The following FHIT variants were observed in gnomAD, a reference collection of about 807,000 sequenced individuals.
The protein encoded by FHIT is fragile histidine triad diadenosine triphosphatase.
Under a neutral mutation model 17.9 loss-of-function variants are expected in FHIT, and 19 were observed. That is an observed-to-expected ratio of 1.06 (90% CI 0.74 to 1.56). The LOEUF is 1.56. Ranked by LOEUF, FHIT falls within the 40% of genes most tolerant of loss-of-function variation. The probability of loss-of-function intolerance (pLI) is 0.00; values close to 1 mark genes in which losing one functional copy is unlikely to be tolerated. For missense variants in FHIT, 248 were observed against 189.2 expected (o/e 1.31, Z -1.82); for synonymous variants, 81 against 69.7 (o/e 1.16, Z -0.81).
At chr3:60,147,386 TG>T (rs1700284905) in intron 5 of FHIT, among the ~76,000 whole-genome samples, 2 of 152,184 alleles carry the variant, frequency 1.3e-5, no homozygotes, top group African/African-American at 4.8e-5. Context: ...GCAGCAGCTC[TG>T]GGTTTCGAAG....
At chr3:60,734,018 AAAG>A (rs2042085217) in intron 4 of FHIT, among the ~76,000 whole-genome samples, 1 of 152,128 alleles carries the variant, frequency 6.6e-6, no homozygotes. Context: ...CTGAATAATG[AAAG>A]AAGAATCCGT....
At chr3:59,954,526 A>C (rs9862003) in intron 7 of FHIT, among the ~76,000 whole-genome samples, 115,494 of 151,914 alleles carry the variant, frequency 0.76, 44,161 homozygotes, top group East Asian at 0.93. Flanking sequence ...GGAGATGGAG[A>C]CTCCTCTCCT....
At chr3:59,860,910 T>C (rs756429262) in intron 8 of FHIT, among the ~76,000 whole-genome samples, 6 of 152,060 alleles carry the variant, frequency 3.9e-5, no homozygotes, top group African/African-American at 7.2e-5. Flanking sequence ...CCCCAGCTAG[T>C]AAATGGCAGA....
In FHIT at chr3:60,536,993, C is replaced by T; in HGVS notation, c.-17-14G>A. 1 of 1,586,938 alleles carries T rather than the reference C, an allele frequency of 6.3e-7. No homozygotes were observed. The highest frequency in any genetic ancestry group is 8.5e-7 in the Non-Finnish European group (1 of 1,170,770). ...CACAGTTGAAGTCTAAAAGAAAAGACAATGGATAGTTATAAAATTCAATTA... is the reference window on the plus strand; with the variant it reads ...CACAGTTGAAGTCTAAAAGAAAAGATAATGGATAGTTATAAAATTCAATTA... On this transcript the variant is annotated splice_polypyrimidine_tract_variant and intron_variant, in intron 4 of 9. Transcript: ENST00000492590.
intron 5 of FHIT, among the ~76,000 whole-genome samples, chr3:60,175,375 G>A (rs1701622756): frequency 6.6e-6 from 1 of 152,130 alleles, no homozygotes; most frequent in Admixed American, 6.5e-5. Context: ...TGGAAATGAT[G>A]ACTCTGTTGT....
At chr3:60,088,563 A>T (rs1703597726) in intron 5 of FHIT, among the ~76,000 whole-genome samples, 1 of 152,186 alleles carries the variant, frequency 6.6e-6, no homozygotes, top group Non-Finnish European at 1.5e-5. Context: ...TGACTTCTTC[A>T]GCAAGGTCTC....
intron 4 of FHIT, among the ~76,000 whole-genome samples, chr3:60,677,223 A>G (rs1239170019): frequency 1.3e-5 from 2 of 152,152 alleles, no homozygotes; most frequent in Non-Finnish European, 2.9e-5. Flanking sequence ...CAGTTTTGTT[A>G]TATGGATATA....
chr3:59,921,118 T>C (rs1193133385), intron 8 of FHIT, among the ~76,000 whole-genome samples: 1 of 152,134 alleles, frequency 6.6e-6, no homozygotes, highest in East Asian at 1.9e-4. Flanking sequence ...TTGGAAAACA[T>C]ACAAAGCAAA....
At chr3:60,588,834 C>A (rs1439055304) in intron 4 of FHIT, among the ~76,000 whole-genome samples, 1 of 151,942 alleles carries the variant, frequency 6.6e-6, no homozygotes, top group Non-Finnish European at 1.5e-5. Context: ...TAATTTACAC[C>A]AGATTCACCT....
At chr3:60,469,568 G>A (rs2032976221) in intron 5 of FHIT, among the ~76,000 whole-genome samples, 1 of 151,908 alleles carries the variant, frequency 6.6e-6, no homozygotes, top group African/African-American at 2.4e-5. Flanking sequence ...TGTTATCTTG[G>A]ATTCCACTGA....
intron 5 of FHIT, among the ~76,000 whole-genome samples, chr3:60,184,653 TTCC>T (rs761552669): frequency 3.3e-4 from 50 of 152,150 alleles, no homozygotes; most frequent in Non-Finnish European, 6.5e-4. Context: ...TTACTCTTTT[TTCC>T]TCCTTTTTAA....
intron 5 of FHIT, among the ~76,000 whole-genome samples, chr3:60,059,187 T>C (rs1253535078): frequency 6.6e-6 from 1 of 152,136 alleles, no homozygotes; most frequent in Admixed American, 6.5e-5. Context: ...TCTTCCTATA[T>C]TGATAGGAAA....
At chr3:60,870,169 A>C (rs17064093) in intron 3 of FHIT, among the ~76,000 whole-genome samples, 3,329 of 152,248 alleles carry the variant, frequency 0.022, 133 homozygotes, top group African/African-American at 0.077. Flanking sequence ...GAGCAACAGT[A>C]AAGTGCATGC....
intron 5 of FHIT, among the ~76,000 whole-genome samples, chr3:60,526,943 C>T (rs766631235): frequency 2.0e-5 from 3 of 152,160 alleles, no homozygotes; most frequent in Non-Finnish European, 2.9e-5. Context: ...TTTCAACTGT[C>T]GATCTTTGTC....
chr3:59,980,725 G>T (rs538719967), intron 7 of FHIT, among the ~76,000 whole-genome samples: 1 of 152,270 alleles, frequency 6.6e-6, no homozygotes, highest in East Asian at 1.9e-4. Flanking sequence ...GGAGAAGATA[G>T]CATCTATGAA....
rs1410518254 is a variant in FHIT at position 59,971,399 on chromosome 3, G to C, written c.279+39972C>G. On this transcript the variant is annotated intron_variant, in intron 7 of 9. Transcript: ENST00000492590. ...GGATTCCATTGTGTCCAGAGACTGA[G>C]GACATGAATTGCTATGTCTGAAGGG... 4.6e-5 allele frequency among the ~76,000 whole-genome samples: 7 copies of C among 152,086 alleles called. No homozygotes were observed. The East Asian group carries it at 9.7e-4, about 21-fold the overall frequency.
At chr3:61,003,075 CATT>C (rs1235353749) in intron 3 of FHIT, among the ~76,000 whole-genome samples, 2 of 152,170 alleles carry the variant, frequency 1.3e-5, no homozygotes, top group Non-Finnish European at 2.9e-5. Context: ...TTACTTGTGG[CATT>C]TTGCAGTGAT....
At chr3:60,332,305 T>C (rs1710017524) in intron 5 of FHIT, among the ~76,000 whole-genome samples, 1 of 152,180 alleles carries the variant, frequency 6.6e-6, no homozygotes, top group Non-Finnish European at 1.5e-5. Context: ...GTGGCACTGC[T>C]GCCTTTCCAA....
At chr3:60,466,700 C>T (rs555527559) in intron 5 of FHIT, among the ~76,000 whole-genome samples, 10 of 151,820 alleles carry the variant, frequency 6.6e-5, no homozygotes, top group Middle Eastern at 3.4e-3. Flanking sequence ...ACCATCCTTG[C>T]GTAACTGGAA....
Sources: allele counts gnomAD v4.1 joint callset (sites outside exome capture counted in the v4.1 genomes callset), GRCh38; gene constraint gnomAD v4.1.1; transcripts MANE v1.5; gene names NCBI Gene and HGNC (gene_info 2026-07-23, HGNC 2026-07-21).